The following TTC28 variants were observed in gnomAD, a reference collection of about 807,000 sequenced individuals.
TTC28 encodes tetratricopeptide repeat domain 28.
A neutral mutation model predicts 198.0 loss-of-function variants in TTC28; 61 were observed. The ratio of observed to expected loss-of-function variants is 0.31; its 90% CI spans 0.25 to 0.38. TTC28 has a LOEUF of 0.38. Ranked by LOEUF, TTC28 falls within the 10% of genes least tolerant of loss-of-function variation. TTC28 has a pLI of 1.00. For missense variants in TTC28, 2,678 were observed against 3,164.0 expected (o/e 0.85, Z 3.69); for synonymous variants, 1,171 against 1,297.8 (o/e 0.90, Z 2.10).
intron 5 of TTC28, among the ~76,000 whole-genome samples, chr22:28,237,478 T>G (rs1195713584): frequency 6.6e-6 from 1 of 152,190 alleles, no homozygotes; most frequent in Non-Finnish European, 1.5e-5. Context: ...TAAATAATAT[T>G]AACTGCTTTA....
At chr22:28,264,245 C>T (rs556577128) in intron 5 of TTC28, among the ~76,000 whole-genome samples, 2 of 152,184 alleles carry the variant, frequency 1.3e-5, no homozygotes, top group African/African-American at 4.8e-5. Context: ...AGGGGAGTTC[C>T]CCTGCACATA....
intron 1 of TTC28, among the ~76,000 whole-genome samples, chr22:28,671,499 G>C (rs1325429651): frequency 6.6e-6 from 1 of 151,604 alleles, no homozygotes; most frequent in Admixed American, 6.6e-5. Flanking sequence ...GCCAGGCGTG[G>C]TGGCGGGAGC....
chr22:28,290,522 A>G (rs1569242189), intron 5 of TTC28, among the ~76,000 whole-genome samples: 1 of 152,228 alleles, frequency 6.6e-6, no homozygotes, highest in African/African-American at 2.4e-5. Context: ...CAACAAAAAA[A>G]TATGCACTAA....
At chr22:28,158,010 G>GA (rs915138715) in intron 6 of TTC28, among the ~76,000 whole-genome samples, 4 of 151,296 alleles carry the variant, frequency 2.6e-5, no homozygotes, top group Non-Finnish European at 5.9e-5. Context: ...ATTATACTTG[G>GA]AAAAATCTAA....
intron 1 of TTC28, among the ~76,000 whole-genome samples, chr22:28,675,738 C>CAG: frequency 8.0e-6 from 1 of 125,416 alleles, no homozygotes; most frequent in East Asian, 2.3e-4. Flanking sequence ...AACCCTGTCA[C>CAG]ACACACACAC....
chr22:28,369,011 T>A (rs117305915), intron 2 of TTC28, among the ~76,000 whole-genome samples: 3 of 151,810 alleles, frequency 2.0e-5, no homozygotes, highest in African/African-American at 7.3e-5. Context: ...AAAATACCAA[T>A]GGCATTCTTC....
chr22:28,151,056 AC>A (rs2147016490), intron 6 of TTC28, among the ~76,000 whole-genome samples: 1 of 152,298 alleles, frequency 6.6e-6, no homozygotes, highest in South Asian at 2.1e-4. Flanking sequence ...GGGGTTTTTG[AC>A]TCATAAACCT....
At chr22:28,030,091 T>C (rs752856520) in intron 13 of TTC28, 135 bp downstream of exon 13, 8 of 1,290,992 alleles carry the variant, frequency 6.2e-6, no homozygotes, top group Non-Finnish European at 7.3e-6. Context: ...TGTGAAAGCA[T>C]CATGCTTGCT....
intron 5 of TTC28, among the ~76,000 whole-genome samples, chr22:28,285,847 A>G (rs2044674459): frequency 6.6e-6 from 1 of 152,132 alleles, no homozygotes; most frequent in South Asian, 2.1e-4. Flanking sequence ...TACTGCAACC[A>G]TGTTTGTAAT....
intron 5 of TTC28, among the ~76,000 whole-genome samples, chr22:28,169,131 G>A (rs563455124): frequency 1.1e-4 from 17 of 152,212 alleles, no homozygotes; most frequent in Non-Finnish European, 1.5e-4. Context: ...ATACACCATC[G>A]CACACCAGTT....
intron 6 of TTC28, among the ~76,000 whole-genome samples, chr22:28,109,140 A>C (rs9625410): frequency 6.1e-4 from 93 of 152,336 alleles, no homozygotes; most frequent in Non-Finnish European, 1.2e-3. Context: ...ATTGCATAAC[A>C]ATACACGTAA....
intron 12 of TTC28, among the ~76,000 whole-genome samples, chr22:28,033,703 T>TA (rs1390296722): frequency 6.6e-6 from 1 of 152,202 alleles, no homozygotes; most frequent in African/African-American, 2.4e-5. Context: ...TATGTTAATT[T>TA]AAAAAACAAA....
chr22:28,517,367 G>A (rs988634453), intron 2 of TTC28, among the ~76,000 whole-genome samples: 1 of 152,112 alleles, frequency 6.6e-6, no homozygotes, highest in African/African-American at 2.4e-5. Flanking sequence ...AAATCAAGTT[G>A]CTGAAGAGTA....
intron 2 of TTC28, among the ~76,000 whole-genome samples, chr22:28,339,219 A>T (rs777455349): frequency 3.0e-4 from 45 of 152,310 alleles, no homozygotes; most frequent in Admixed American, 5.9e-4. Flanking sequence ...ATTGGTGAAC[A>T]GCAAATGTTG....
chr22:28,528,076 T>C (rs1430855792), intron 2 of TTC28, among the ~76,000 whole-genome samples: 2 of 152,240 alleles, frequency 1.3e-5, no homozygotes, highest in Non-Finnish European at 2.9e-5. Context: ...GAATTTAGGA[T>C]TGTATTTCCA....
Position 28,629,788 on chromosome 22 carries a change from C to G in TTC28, c.145G>C (p.Asp49His), listed in dbSNP as rs2051142739. 3 of 1,551,582 alleles carry G rather than the reference C, an allele frequency of 1.9e-6. No homozygotes were observed. In the African/African-American group the frequency reaches 4.1e-5, roughly 21 times the overall value. The change falls in exon 2 of 23, where the codon GAT becomes CAT. Residue 49 changes from aspartate to histidine, a missense_variant. By Grantham distance (81) the Asp-to-His change is moderately conservative. Around this residue, in one of 8 missense-constraint regions of TTC28, gnomAD observed 176 missense variants for 197.9 expected, o/e 0.89. Coordinates refer to ENST00000397906, the MANE Select transcript of TTC28 (RefSeq NM_001145418.2). ...TCAGCTTTGCTCAGTACCGGTCCATCAGGACTTCTCTGGCCAATAGTGTCA... is the reference window on the plus strand; with the variant it reads ...TCAGCTTTGCTCAGTACCGGTCCATGAGGACTTCTCTGGCCAATAGTGTCA... ...GADTIGQRSP[D>H]GPVLSKAEFV...
chr22:28,377,519 G>A (rs2046430528), intron 2 of TTC28, among the ~76,000 whole-genome samples: 1 of 152,074 alleles, frequency 6.6e-6, no homozygotes. Flanking sequence ...TAAGCAGCTG[G>A]TAAATGACAG....
chr22:28,066,891 C>T (rs1289948133), intron 12 of TTC28, among the ~76,000 whole-genome samples: 1 of 152,118 alleles, frequency 6.6e-6, no homozygotes, highest in Non-Finnish European at 1.5e-5. Flanking sequence ...TGGCACTGCA[C>T]CCCCTACCTT....
At chr22:28,453,231 TA>T (rs1227476580) in intron 2 of TTC28, among the ~76,000 whole-genome samples, 2 of 152,244 alleles carry the variant, frequency 1.3e-5, no homozygotes, top group Admixed American at 1.3e-4. Flanking sequence ...CTGTTACTTG[TA>T]ACTCAGAACT....
Sources: gnomAD v4.1 joint callset for allele counts (sites outside exome capture counted in the v4.1 genomes callset) on GRCh38, gnomAD v4.1.1 for gene constraint, gnomAD v4.1.1 regional missense constraint, MANE v1.5 for transcripts, NCBI Gene and HGNC (gene_info 2026-07-23, HGNC 2026-07-21) for gene names.